ZNF385D: variants seen among roughly 807,000 people sequenced by gnomAD.
ZNF385D encodes zinc finger protein 385D, also known as zinc finger protein 659.
Under a neutral mutation model 35.8 loss-of-function variants are expected in ZNF385D, and 15 were observed. The observed-to-expected ratio is 0.42, with a 90% CI of 0.28 to 0.64. ZNF385D has a LOEUF of 0.64. Ranked by LOEUF, ZNF385D falls within the 30% of genes least tolerant of loss-of-function variation. The pLI, the probability that ZNF385D is intolerant of heterozygous loss-of-function variation, is 0.23. For synonymous variants in ZNF385D, 212 were observed against 186.8 expected (o/e 1.13, Z -1.10); for missense variants, 474 against 494.6 (o/e 0.96, Z 0.39).
chr3:21,548,886 G>C (rs1181636186), intron 3 of ZNF385D, among the ~76,000 whole-genome samples: 2 of 152,126 alleles, frequency 1.3e-5, no homozygotes, highest in Non-Finnish European at 2.9e-5. Context: ...CCTTGAAAAA[G>C]TCAACTAAAT....
At chr3:21,663,916 T>TATATATATATATATATAC in intron 2 of ZNF385D, among the ~76,000 whole-genome samples, 2 of 110,218 alleles carry the variant, frequency 1.8e-5, no homozygotes, top group Non-Finnish European at 3.6e-5. Flanking sequence ...TATATATATA[T>TATATATATATATATATAC]ATTTATTTAT....
At chr3:21,785,053 C>T (rs1174800990) in intron 3 of ZNF385D, among the ~76,000 whole-genome samples, 1 of 152,104 alleles carries the variant, frequency 6.6e-6, no homozygotes, top group South Asian at 2.1e-4. Flanking sequence ...ACACACAATC[C>T]ATGCATGCAC....
intron 2 of ZNF385D, among the ~76,000 whole-genome samples, chr3:21,610,845 T>C (rs1455930399): frequency 2.6e-5 from 4 of 152,008 alleles, no homozygotes; most frequent in African/African-American, 9.7e-5. Flanking sequence ...AGACACAGCT[T>C]AGCTAGGTCC....
chr3:22,225,628 T>C (rs1199175051), intron 2 of ZNF385D, among the ~76,000 whole-genome samples: 1 of 152,204 alleles, frequency 6.6e-6, no homozygotes, highest in Non-Finnish European at 1.5e-5. Flanking sequence ...AGCTGCATTA[T>C]AACACATCCT....
At chr3:21,817,901 C>A (rs1053475279) in intron 3 of ZNF385D, among the ~76,000 whole-genome samples, 2 of 152,146 alleles carry the variant, frequency 1.3e-5, no homozygotes, top group Admixed American at 6.5e-5. Context: ...TGGCACTACT[C>A]ACAATAGCAA....
intron 3 of ZNF385D, among the ~76,000 whole-genome samples, chr3:21,769,638 T>A (rs1279386427): frequency 8.3e-6 from 1 of 120,978 alleles, no homozygotes; most frequent in African/African-American, 3.4e-5. Context: ...GAAGAATCAA[T>A]ATCATGAAAA....
At chr3:21,827,890 T>G (rs1290033315) in intron 3 of ZNF385D, among the ~76,000 whole-genome samples, 1 of 152,220 alleles carries the variant, frequency 6.6e-6, no homozygotes, top group African/African-American at 2.4e-5. Context: ...TGTTTCTATA[T>G]TCAAAGAGTG....
intron 3 of ZNF385D, among the ~76,000 whole-genome samples, chr3:22,134,820 AG>A (rs1168345171): frequency 1.3e-5 from 2 of 152,106 alleles, no homozygotes; most frequent in Non-Finnish European, 2.9e-5. Context: ...GTGATAAAAG[AG>A]GGGTCTAACT....
At chr3:22,227,096 T>TA (rs1470510056) in intron 2 of ZNF385D, among the ~76,000 whole-genome samples, 2 of 152,188 alleles carry the variant, frequency 1.3e-5, no homozygotes, top group Non-Finnish European at 2.9e-5. Context: ...GGTGTCCAGC[T>TA]ATTTGTATAT....
chr3:21,719,690 A>G (rs115406186), intron 1 of ZNF385D, among the ~76,000 whole-genome samples: 1,986 of 152,098 alleles, frequency 0.013, 36 homozygotes, highest in African/African-American at 0.044. Flanking sequence ...ATCATGTAAG[A>G]CTCTCTAGCG....
chr3:22,218,525 GATA>G (rs1174134943), intron 2 of ZNF385D, among the ~76,000 whole-genome samples: 37 of 151,844 alleles, frequency 2.4e-4, no homozygotes, highest in Non-Finnish European at 5.3e-4. Flanking sequence ...CTGTATCTGC[GATA>G]ATGGCATTTT....
chr3:21,641,714 G>C (rs1575381028), intron 2 of ZNF385D, among the ~76,000 whole-genome samples: 1 of 145,968 alleles, frequency 6.9e-6, no homozygotes, highest in East Asian at 2.1e-4. Flanking sequence ...GAACTCAAGT[G>C]ATCTGCCTGC....
chr3:21,880,472 T>C (rs569157109), intron 3 of ZNF385D, among the ~76,000 whole-genome samples: 2 of 152,110 alleles, frequency 1.3e-5, no homozygotes, highest in East Asian at 3.9e-4. Context: ...TGGGGCACCA[T>C]AAACTGTGCC....
chr3:21,917,000 T>G lies in ZNF385D; in HGVS notation c.325+251817A>C, dbSNP rs192316. Among the ~76,000 whole-genome samples, 11 of 152,248 alleles carry G rather than the reference T, an allele frequency of 7.2e-5. 1 individual carries two copies. The South Asian group carries it at 1.7e-3, about 23-fold the overall frequency. On this transcript the variant is annotated intron_variant, in intron 3 of 5. Transcript: ENST00000494108. ...TCATGTTCTCTGCTGATTTAGTAGA[T>G]GAAAAATCACATATTTTAAAATTTG...
intron 2 of ZNF385D, among the ~76,000 whole-genome samples, chr3:22,238,177 T>G (rs893675421): frequency 6.6e-6 from 1 of 151,238 alleles, no homozygotes; most frequent in African/African-American, 2.4e-5. Context: ...TCTATCCTTA[T>G]GCCTGTACCA....
At chr3:21,976,806 C>T (rs1292038781) in intron 3 of ZNF385D, among the ~76,000 whole-genome samples, 1 of 152,158 alleles carries the variant, frequency 6.6e-6, no homozygotes, top group Non-Finnish European at 1.5e-5. Flanking sequence ...TCCTGGCCAA[C>T]ATGGTGAAAC....
chr3:21,646,397 G>A lies in ZNF385D; in HGVS notation c.165+18489C>T, dbSNP rs1002479460. ...ACTTCACAGTGAGACGCTGAGAAAGGTGAAGTAAGTGGACTGAGAGCCACA... is the reference window on the plus strand; with the variant it reads ...ACTTCACAGTGAGACGCTGAGAAAGATGAAGTAAGTGGACTGAGAGCCACA... On this transcript the variant is annotated intron_variant, in intron 2 of 7. Coordinates refer to ENST00000281523, the MANE Select transcript of ZNF385D (RefSeq NM_024697.3). This position sits in a 1 kb window ranked among gnomAD's most constrained non-coding sequence, Gnocchi z 4.3. 6.6e-6 allele frequency among the ~76,000 whole-genome samples: 1 copy of A among 152,196 alleles called. No homozygotes were observed. The highest frequency in any genetic ancestry group is 1.9e-4 in the East Asian group (1 of 5,194).
At chr3:21,766,967 T>C (rs1408692535) in intron 3 of ZNF385D, among the ~76,000 whole-genome samples, 2 of 152,070 alleles carry the variant, frequency 1.3e-5, no homozygotes. Context: ...GTGAGCTCAA[T>C]GGCCATATTT....
At chr3:21,998,638 G>A (rs1174366136) in intron 3 of ZNF385D, among the ~76,000 whole-genome samples, 2 of 152,132 alleles carry the variant, frequency 1.3e-5, no homozygotes, top group Non-Finnish European at 2.9e-5. Flanking sequence ...TGTTATTAGT[G>A]TGTTAATAAC....
Sources: allele counts gnomAD v4.1 joint callset (sites outside exome capture counted in the v4.1 genomes callset), GRCh38; gene constraint gnomAD v4.1.1; non-coding constraint Gnocchi (gnomAD v3.1); transcripts MANE v1.5; gene names NCBI Gene and HGNC (gene_info 2026-07-23, HGNC 2026-07-21).